The following ZNF467 variants were observed in gnomAD, a reference collection of about 807,000 sequenced individuals.
ZNF467 encodes zinc finger protein EZI.
A neutral mutation model predicts 47.8 loss-of-function variants in ZNF467; 51 were observed. The observed-to-expected ratio is 1.07, with a 90% CI of 0.85 to 1.35. The LOEUF (loss-of-function observed/expected upper bound fraction) is 1.35. Ranked by LOEUF, ZNF467 falls within the 40% of genes most tolerant of loss-of-function variation. The pLI is 0.00. For missense variants in ZNF467, 992 were observed against 858.1 expected (o/e 1.16, Z -1.95); for synonymous variants, 416 against 372.9 (o/e 1.12, Z -1.33).
rs1264064417 is a variant in ZNF467 at position 149,769,023 on chromosome 7, C to T, written c.262+67G>A. On this transcript the variant is annotated intron_variant, in intron 4 of 4. Transcript: ENST00000302017. The surrounding 1 kb of genome is among the most constrained non-coding windows in gnomAD (Gnocchi z 5.3). ...TACCTGCCTCATGAGATAGCAGCTCCGGAGCTTGCTGGGCCCCGTTCCCTT... is the reference window on the plus strand; with the variant it reads ...TACCTGCCTCATGAGATAGCAGCTCTGGAGCTTGCTGGGCCCCGTTCCCTT... 45 of 1,379,204 alleles carry T rather than the reference C, an allele frequency of 3.3e-5. No homozygotes were observed. The highest frequency in any genetic ancestry group is 5.1e-5 in the East Asian group (2 of 39,410). The allele number at this position is 1,379,204 out of a possible 1,614,324, so 85.4% of individuals were successfully genotyped here. A position where few individuals can be genotyped will look rare whatever the true frequency, so the allele number is the denominator to read the frequency against.
At position 149,765,943 on chromosome 7, in the gene ZNF467, G is replaced by GGCCCTCGCCCCGGTGCAGCC. The variant is rs1402348307; in HGVS notation, c.539_558dup (p.Pro187GlyfsTer52). ...CGGCCGCAGTCCGGGCAGGCGCAGG[G>GGCCCTCGCCCCGGTGCAGCC]GCCCTCGCCCCGGTGCAGCCGCTGG... is the stretch of plus-strand genomic sequence containing the variant. On this transcript the variant is annotated frameshift_variant, in exon 5 of 5. Coordinates refer to ENST00000302017, the MANE Select transcript of ZNF467 (RefSeq NM_207336.3). LOFTEE classifies it high-confidence loss of function. 3.7e-5 allele frequency: 57 copies of GGCCCTCGCCCCGGTGCAGCC among 1,553,044 alleles called. No homozygotes were observed. The highest frequency in any genetic ancestry group is 5.0e-5 in the Non-Finnish European group (57 of 1,149,594).
chr7:149,764,301 T>TCGA lies in ZNF467; in HGVS notation c.*412_*413insTCG. 4.0e-6 allele frequency: 2 copies of TCGA among 503,908 alleles called. No individual in the cohort carries two copies. Among genetic ancestry groups the TCGA allele is most frequent in the Non-Finnish European group, 7.0e-6 (2 of 287,206 alleles). 31.2% of individuals were successfully genotyped at this position (503,908 alleles called of 1,614,324 possible). On this transcript the variant is annotated 3_prime_UTR_variant, in exon 5 of 5. Coordinates refer to ENST00000302017, the MANE Select transcript of ZNF467 (RefSeq NM_207336.3). ...GGGGTGGTCTGTGTGTGGATGGAGGTGGGACAGTGGCTAAGGAGAGTCAGG... is the reference window on the plus strand; with the variant it reads ...GGGGTGGTCTGTGTGTGGATGGAGGTCGAGGGACAGTGGCTAAGGAGAGTCAGG...
At position 149,765,719 on chromosome 7, in the gene ZNF467, C is replaced by T. The variant is rs752954509; in HGVS notation, c.783G>A (p.Ser261=). ...KRFSQKIHLG[S]HQKTHTGERP... The stretch of plus-strand genomic sequence containing the variant: ...GCTCGCCGGTGTGGGTCTTTTGGTG[C>T]GAGCCCAGGTGGATCTTCTGGCTGA... Residue 261 remains serine (S), a synonymous_variant, in exon 5 of 5, where the codon TCG becomes TCA. Transcript: ENST00000302017. 5.0e-6 allele frequency: 8 copies of T among 1,613,514 alleles called. No individual in the cohort carries two copies. The highest frequency in any genetic ancestry group is 1.1e-5 in the South Asian group (1 of 91,046).
intron 2 of ZNF467, 90 bp downstream of exon 2, chr7:149,770,909 C>A: frequency 6.4e-7 from 1 of 1,555,514 alleles, no homozygotes. Context: ...AGGGTTGCAG[C>A]CTCCTGAGGG....
At chr7:149,776,407 G>T (rs1799581472), upstream of ZNF467, 2 of 1,361,564 alleles carry the variant, frequency 1.5e-6, no homozygotes, top group Non-Finnish European at 2.0e-6. Flanking sequence ...CCGTCAGGAG[G>T]ACCTGGTACC....
chr7:149,764,730 G>A lies in ZNF467; in HGVS notation c.1772C>T (p.Pro591Leu), dbSNP rs769509537. 4 of 1,559,082 alleles carry A rather than the reference G, an allele frequency of 2.6e-6. No homozygotes were observed. In the African/African-American group the frequency reaches 4.1e-5, roughly 16 times the overall value. Residue 591 changes from proline (P) to leucine (L), a missense_variant, in exon 5 of 5, where the codon CCC becomes CTC. Coordinates refer to ENST00000302017, the MANE Select transcript of ZNF467 (RefSeq NM_207336.3). ...GAACTAGGCTCAGAAGAAGAGCGGG[G>A]GCGGCGCCACCTCGGGGGGAGCGGA... ...AWSAPPEVAP[P>L]PLFF
Position 149,769,751 on chromosome 7 carries a change from C to T in ZNF467, c.152-551G>A, listed in dbSNP as rs544013931. ...TCACCCAGGCTGGAGTGCAGTGGCA[C>T]GATCATACCTCACTGCAGCCTGGGC... On this transcript the variant is annotated intron_variant, in intron 3 of 4. Coordinates refer to ENST00000302017, the MANE Select transcript of ZNF467 (RefSeq NM_207336.3). This position sits in a 1 kb window ranked among gnomAD's most constrained non-coding sequence, Gnocchi z 5.3. 1.4e-4 allele frequency among the ~76,000 whole-genome samples: 21 copies of T among 152,284 alleles called. No homozygotes were observed. Among genetic ancestry groups the T allele is most frequent in the African/African-American group, 4.6e-4 (19 of 41,546 alleles).
rs1799075706 is a variant in ZNF467, at chr7:149,764,475, G to A, written c.*239C>T. ...ATCTGCTTTCCAACGGGGCACCTGGGTGGGAGCCTTCCAAGAACTTCAGCT... is the reference window on the plus strand; with the variant it reads ...ATCTGCTTTCCAACGGGGCACCTGGATGGGAGCCTTCCAAGAACTTCAGCT... On this transcript the variant is annotated 3_prime_UTR_variant, in exon 5 of 5. Transcript: ENST00000302017. 1 of 755,576 alleles carries A rather than the reference G, an allele frequency of 1.3e-6. No individual in the cohort carries two copies. The highest frequency in any genetic ancestry group is 2.8e-5 in the East Asian group (1 of 36,112). 46.8% of individuals were successfully genotyped at this position (755,576 alleles called of 1,614,324 possible). A position where few individuals can be genotyped will look rare whatever the true frequency, so the allele number is the denominator to read the frequency against.
At chr7:149,774,044 G>A (rs1369501797), upstream of ZNF467, among the ~76,000 whole-genome samples, 2 of 152,084 alleles carry the variant, frequency 1.3e-5, no homozygotes, top group Non-Finnish European at 2.9e-5. The surrounding 1 kb of genome is among the most constrained non-coding windows in gnomAD (Gnocchi z 5.7). Flanking sequence ...CAGGGGGCAA[G>A]GCTGGGACGG....
At chr7:149,774,826 T>C (rs1027595255), upstream of ZNF467, among the ~76,000 whole-genome samples, 1 of 152,072 alleles carries the variant, frequency 6.6e-6, no homozygotes, top group Admixed American at 6.5e-5. The surrounding 1 kb of genome is among the most constrained non-coding windows in gnomAD (Gnocchi z 5.7). Flanking sequence ...CTCTGGGCCC[T>C]TTTTTGGCCC....
chr7:149,765,586 C>A lies in ZNF467; in HGVS notation c.916G>T (p.Ala306Ser), dbSNP rs1396968674. Residue 306 changes from alanine (A) to serine (S), a missense_variant, in exon 5 of 5, where the codon GCA (alanine) becomes TCA (serine). Ala to Ser is a moderately conservative substitution (Grantham distance 99). Transcript: ENST00000302017. Reference protein sequence around the residue: ...GERPYQCAQCARSFTHKQHLV... With the variant: ...GERPYQCAQCSRSFTHKQHLV... ...TGCTGCTTGTGCGTGAAGCTGCGTGCGCACTGTGCGCACTGGTAGGGCCTC... is the reference window on the plus strand; with the variant it reads ...TGCTGCTTGTGCGTGAAGCTGCGTGAGCACTGTGCGCACTGGTAGGGCCTC... 1.3e-6 allele frequency: 2 copies of A among 1,595,968 alleles called. No homozygotes were observed. Among genetic ancestry groups the A allele is most frequent in the South Asian group, 2.3e-5 (2 of 88,764 alleles).
At position 149,764,759 on chromosome 7, in the gene ZNF467, G is replaced by C. The variant is rs1799099108; in HGVS notation, c.1743C>G (p.Ala581=). ...GCGCCACCTCGGGGGGAGCGGACCAGGCTGGGGCCGCAAGGGCGGCGTCCG... is the reference window on the plus strand; with the variant it reads ...GCGCCACCTCGGGGGGAGCGGACCACGCTGGGGCCGCAAGGGCGGCGTCCG... The part of the protein sequence containing the change: ...AAPDAALAAP[A]WSAPPEVAPP... Residue 581 remains alanine, a synonymous_variant, in exon 5 of 5, where the codon GCC becomes GCG. Coordinates refer to ENST00000302017, the MANE Select transcript of ZNF467 (RefSeq NM_207336.3). The C allele has an allele frequency of 6.5e-7, 1 of 1,530,768 alleles. No individual in the cohort carries two copies. The highest frequency in any genetic ancestry group is 1.4e-5 in the African/African-American group (1 of 72,262). 94.8% of individuals were successfully genotyped at this position (1,530,768 alleles called of 1,614,324 possible). A position where few individuals can be genotyped will look rare whatever the true frequency, so the allele number is the denominator to read the frequency against.
At chr7:149,771,710 G>GCCCCTCCCCCAGCAGACTCCCCT (rs1799413905) in intron 1 of ZNF467, among the ~76,000 whole-genome samples, 1 of 21,554 alleles carries the variant, frequency 4.6e-5, no homozygotes, top group East Asian at 9.4e-4. Flanking sequence ...CGGCTCCCCC[G>GCCCCTCCCCCAGCAGACTCCCCT]CCCCTCCCCC....
In ZNF467 at chr7:149,765,233, G is replaced by C; in HGVS notation, c.1269C>G (p.Arg423=). Residue 423 remains arginine (R), a synonymous_variant, in exon 5 of 5, where the codon CGC becomes CGG. Coordinates refer to ENST00000302017, the MANE Select transcript of ZNF467 (RefSeq NM_207336.3). ...GPGSDPVVPQ[R]APSGERSFFC... ...AGAAGGACCGCTCGCCCGAGGGGGC[G>C]CGCTGGGGCACCACGGGATCGGATC... 1.4e-6 allele frequency: 2 copies of C among 1,470,206 alleles called. No homozygotes were observed. The highest frequency in any genetic ancestry group is 1.8e-6 in the Non-Finnish European group (2 of 1,113,558). The allele number at this position is 1,470,206 out of a possible 1,614,324, so 91.1% of individuals were successfully genotyped here. A position where few individuals can be genotyped will look rare whatever the true frequency, so the allele number is the denominator to read the frequency against.
chr7:149,775,930 G>C (rs1799563058), upstream of ZNF467: 6 of 808,584 alleles, frequency 7.4e-6, no homozygotes, highest in Non-Finnish European at 1.1e-5. Flanking sequence ...GCTGCGGGGA[G>C]GCTGCGTGGG....
Position 149,770,891 on chromosome 7 carries a change from G to A in ZNF467, c.34+108C>T, listed in dbSNP as rs76274702. Reference sequence around the variant, plus strand: ...AAAGGAGGCTGACCTACAGGCCCCTGGGGCCTCAGGGTTGCAGCCTCCTGA... The same window carrying A: ...AAAGGAGGCTGACCTACAGGCCCCTAGGGCCTCAGGGTTGCAGCCTCCTGA... On this transcript the variant is annotated intron_variant, in intron 2 of 4. Transcript: ENST00000302017. 6,099 of 1,419,698 alleles carry A rather than the reference G, an allele frequency of 4.3e-3. 227 individuals carry two copies. The African/African-American group carries it at 0.078, about 18-fold the overall frequency. The allele number at this position is 1,419,698 out of a possible 1,614,324, so 87.9% of individuals were successfully genotyped here.
upstream of ZNF467, chr7:149,776,456 G>A (rs544812955): frequency 1.7e-5 from 23 of 1,342,170 alleles, no homozygotes; most frequent in East Asian, 9.7e-5. Context: ...CTGGGCTGGC[G>A]GCTGGACCTG....
In ZNF467 at chr7:149,766,133, G is replaced by A. The variant is rs1454401525; in HGVS notation, c.369C>T (p.Pro123=). The A allele has an allele frequency of 1.9e-6, 3 of 1,604,364 alleles. No homozygotes were observed. In the South Asian group the frequency reaches 3.3e-5, roughly 18 times the overall value. Reference sequence around the variant, plus strand: ...CAGCCAGATGCCCCAGGTCAGGCGCGGGAAAGGGGCTGGGAAGTAACGATA... The same window carrying A: ...CAGCCAGATGCCCCAGGTCAGGCGCAGGAAAGGGGCTGGGAAGTAACGATA... ...QHLSLLPSPF[P]APDLGHLAAA... The change falls in exon 5 of 5, where the codon CCC becomes CCT. Residue 123 remains proline, a synonymous_variant. Coordinates refer to ENST00000302017, the MANE Select transcript of ZNF467 (RefSeq NM_207336.3).
At position 149,765,572 on chromosome 7, in the gene ZNF467, C is replaced by T. The variant is rs1799167233; in HGVS notation, c.930G>A (p.Thr310=). The part of the protein sequence containing the change: ...YQCAQCARSF[T]HKQHLVRHQR... Reference sequence around the variant, plus strand: ...GGTGCCGCACCAAGTGCTGCTTGTGCGTGAAGCTGCGTGCGCACTGTGCGC... The same window carrying T: ...GGTGCCGCACCAAGTGCTGCTTGTGTGTGAAGCTGCGTGCGCACTGTGCGC... The change falls in exon 5 of 5, where the codon ACG becomes ACA. Residue 310 remains threonine (T), a synonymous_variant. Coordinates refer to ENST00000302017, the MANE Select transcript of ZNF467 (RefSeq NM_207336.3). The T allele has an allele frequency of 6.3e-7, 1 of 1,589,986 alleles. No homozygotes were observed. The highest frequency in any genetic ancestry group is 1.8e-5 in the Admixed American group (1 of 55,836).
Sources: allele counts gnomAD v4.1 joint callset (sites outside exome capture counted in the v4.1 genomes callset), GRCh38; gene constraint gnomAD v4.1.1; non-coding constraint Gnocchi (gnomAD v3.1); transcripts MANE v1.5; gene names NCBI Gene and HGNC (gene_info 2026-07-23, HGNC 2026-07-21).